COPG2: variants seen among roughly 807,000 people sequenced by gnomAD.
COPG2 encodes coatomer subunit gamma-2.
In COPG2, 37 loss-of-function variants were observed where a neutral mutation model predicts 46.3. The observed-to-expected ratio is 0.80, with a 90% confidence interval of 0.61 to 1.05. COPG2 has a LOEUF of 1.05. Ranked by LOEUF, COPG2 falls within the 50% of genes least tolerant of loss-of-function variation. The probability of loss-of-function intolerance (pLI) is 0.00; values close to 1 mark genes in which losing one functional copy is unlikely to be tolerated. For synonymous variants in COPG2, 159 were observed against 129.7 expected (o/e 1.23, Z -1.53); for missense variants, 427 against 387.8 (o/e 1.10, Z -0.85).
intron 9 of COPG2, chr7:130,607,914 T>A: frequency 2.1e-6 from 1 of 481,514 alleles, no homozygotes; most frequent in South Asian, 1.5e-5. Context: ...AGTTTTTGCT[T>A]GCTTTTCACC....
chr7:130,582,078 A>T (rs1554447259), intron 9 of COPG2, among the ~76,000 whole-genome samples: 1 of 147,824 alleles, frequency 6.8e-6, no homozygotes, highest in East Asian at 2.0e-4. Flanking sequence ...GAGGCATCAC[A>T]CTACCTGACT....
At chr7:130,614,530 T>C (rs890000110) in intron 6 of COPG2, among the ~76,000 whole-genome samples, 3 of 152,122 alleles carry the variant, frequency 2.0e-5, no homozygotes, top group African/African-American at 4.8e-5. Context: ...CTACTCAGAG[T>C]TCCCAGAAAG....
intron 9 of COPG2, chr7:130,605,617 G>C: frequency 2.3e-6 from 1 of 438,590 alleles, no homozygotes; most frequent in Non-Finnish European, 4.6e-6. Flanking sequence ...AGGAATACAG[G>C]CAACCTCTAG....
intron 9 of COPG2, among the ~76,000 whole-genome samples, chr7:130,574,046 T>C (rs1301475714): frequency 6.6e-6 from 1 of 152,170 alleles, no homozygotes; most frequent in Non-Finnish European, 1.5e-5. Flanking sequence ...TATATATGAA[T>C]GTTCAGAGCC....
chr7:130,622,488 A>T (rs766000463), intron 5 of COPG2, among the ~76,000 whole-genome samples: 4 of 152,170 alleles, frequency 2.6e-5, no homozygotes, highest in Non-Finnish European at 5.9e-5. Context: ...GAGGTGTCCA[A>T]TACAGTCTAC....
chr7:130,576,695 T>C lies in COPG2; in HGVS notation c.738-12302A>G, dbSNP rs146323329. On this transcript the variant is annotated intron_variant, in intron 9 of 23. Transcript: ENST00000425248. ...ATTATAAGGATACACCTCAAGGAAC[T>C]AGAAAAACAAGAACAAACCAAACCC... Among the ~76,000 whole-genome samples the C allele has an allele frequency of 9.0e-3, 1,363 of 151,894 alleles. 9 individuals carry two copies. The highest frequency in any genetic ancestry group is 0.028 in the South Asian group (132 of 4,796).
intron 20 of COPG2, among the ~76,000 whole-genome samples, chr7:130,535,864 AAAG>A (rs2116364868): frequency 6.6e-6 from 1 of 152,232 alleles, no homozygotes; most frequent in South Asian, 2.1e-4. Context: ...GAGTCCGGCA[AAAG>A]AAGAAAAAAC....
intron 9 of COPG2, among the ~76,000 whole-genome samples, chr7:130,596,598 G>A (rs1361469999): frequency 1.3e-5 from 2 of 152,184 alleles, no homozygotes; most frequent in East Asian, 3.9e-4. Flanking sequence ...CACCAAGGCA[G>A]CCAGCCAAGG....
chr7:130,619,831 CAT>C (rs1436069087), intron 5 of COPG2, among the ~76,000 whole-genome samples: 2 of 152,308 alleles, frequency 1.3e-5, no homozygotes, highest in East Asian at 1.9e-4. Flanking sequence ...TCTTGTATCA[CAT>C]GTTCTGTTTC....
At chr7:130,540,454 C>G (rs1316086491) in intron 20 of COPG2, among the ~76,000 whole-genome samples, 1 of 152,086 alleles carries the variant, frequency 6.6e-6, no homozygotes, top group Non-Finnish European at 1.5e-5. Flanking sequence ...CCATAAGAAA[C>G]AGGTTGAGGC....
chr7:130,544,809 C>T (rs990831162), intron 20 of COPG2, among the ~76,000 whole-genome samples: 18 of 151,960 alleles, frequency 1.2e-4, no homozygotes, highest in Non-Finnish European at 1.8e-4. Context: ...TCTGGGAGGA[C>T]GAAAGATAAT....
Position 130,666,949 on chromosome 7 carries a change from A to G in COPG2, c.91-20T>C, listed in dbSNP as rs1178569834. The G allele has an allele frequency of 4.5e-6, 6 of 1,344,428 alleles. No homozygotes were observed. The highest frequency in any genetic ancestry group is 6.2e-6 in the Non-Finnish European group (6 of 963,748). 83.3% of individuals were successfully genotyped at this position (1,344,428 alleles called of 1,614,324 possible). On this transcript the variant is annotated intron_variant, in intron 2 of 23. Transcript: ENST00000425248. The stretch of plus-strand genomic sequence containing the variant: ...ACGAGCCTATGAAAAAACATAAAAA[A>G]CATTGCTACTTTTCTACCTTTTCTA...
intron 9 of COPG2, among the ~76,000 whole-genome samples, chr7:130,569,004 T>C (rs1479049951): frequency 6.6e-6 from 1 of 152,130 alleles, no homozygotes; most frequent in Non-Finnish European, 1.5e-5. Context: ...AAAAAATTCT[T>C]TGAACTGAAC....
intron 6 of COPG2, 107 bp from the exon 7 acceptor site, chr7:130,613,743 T>C: frequency 1.3e-6 from 1 of 748,444 alleles, no homozygotes; most frequent in Non-Finnish European, 2.3e-6. Context: ...TTTGTTTCTG[T>C]GCAAATATTC....
At chr7:130,621,610 A>C (rs1203936669) in intron 5 of COPG2, among the ~76,000 whole-genome samples, 1 of 152,142 alleles carries the variant, frequency 6.6e-6, no homozygotes, top group Non-Finnish European at 1.5e-5. Flanking sequence ...GGGGTTCAAG[A>C]CCAGCCTGAC....
intron 5 of COPG2, among the ~76,000 whole-genome samples, chr7:130,618,494 T>C (rs1234899096): frequency 2.6e-5 from 4 of 152,234 alleles, no homozygotes; most frequent in African/African-American, 7.2e-5. Flanking sequence ...AAAATAAATG[T>C]ATCATTTGAT....
At chr7:130,610,275 T>C (rs1794819494) in intron 9 of COPG2, among the ~76,000 whole-genome samples, 1 of 152,228 alleles carries the variant, frequency 6.6e-6, no homozygotes, top group South Asian at 2.1e-4. Flanking sequence ...TAAATTCAGT[T>C]ATCTGCTGTT....
At position 130,600,647 on chromosome 7, in the gene COPG2, A is replaced by T. The variant is rs868962677; in HGVS notation, c.737+10306T>A. Among the ~76,000 whole-genome samples, 16 of 152,226 alleles carry T rather than the reference A, an allele frequency of 1.1e-4. No individual in the cohort carries two copies. The South Asian group carries it at 1.2e-3, about 12-fold the overall frequency. ...CTACATGGCATTTTTTATGTGTGTGAGTGTATAGTTAGTATACATTTTTTA... is the reference window on the plus strand; with the variant it reads ...CTACATGGCATTTTTTATGTGTGTGTGTGTATAGTTAGTATACATTTTTTA... On this transcript the variant is annotated intron_variant, in intron 9 of 23. Transcript: ENST00000425248.
chr7:130,626,309 T>C (rs1554454262), intron 5 of COPG2, among the ~76,000 whole-genome samples: 1 of 150,334 alleles, frequency 6.7e-6, no homozygotes, highest in African/African-American at 2.5e-5. Context: ...AATAAACCCC[T>C]CCCTGACCAG....
Sources: gnomAD v4.1 joint callset for allele counts (sites outside exome capture counted in the v4.1 genomes callset) on GRCh38, gnomAD v4.1.1 for gene constraint, MANE v1.5 for transcripts, NCBI Gene and HGNC (gene_info 2026-07-23, HGNC 2026-07-21) for gene names.